Variants in IDO2 observed in about 807,000 individuals in gnomAD.
IDO2 encodes the protein indoleamine 2,3-dioxygenase-like 1 protein.
A neutral mutation model predicts 45.1 loss-of-function variants in IDO2; 46 were observed. The ratio of observed to expected loss-of-function variants is 1.02; its 90% confidence interval spans 0.80 to 1.30. The LOEUF (loss-of-function observed/expected upper bound fraction) is 1.30, where lower values mean the gene tolerates loss of function less well. IDO2 is among the 50% of genes most tolerant of loss of function. IDO2 has a pLI of 0.00. For missense variants in IDO2, 544 were observed against 491.8 expected, an observed-to-expected ratio of 1.11 and a Z score of -1.00; for synonymous variants, 218 against 184.9, an observed-to-expected ratio of 1.18 and a Z score of -1.45.
chr8:39,979,633 G>A (rs915965917), intron 4 of IDO2, among the ~76,000 whole-genome samples: 5 of 152,134 alleles, frequency 3.3e-5, no homozygotes, highest in Non-Finnish European at 5.9e-5. Flanking sequence ...GATTATAGGC[G>A]TGAGCCACTG....
chr8:40,004,450 C>CATAG (rs957659208), intron 8 of IDO2, among the ~76,000 whole-genome samples: 1 of 151,668 alleles, frequency 6.6e-6, no homozygotes, highest in Middle Eastern at 3.4e-3. Flanking sequence ...TAGATAAATA[C>CATAG]ATAGATAGAT....
intron 8 of IDO2, among the ~76,000 whole-genome samples, chr8:39,994,369 T>C (rs959611085): frequency 2.0e-5 from 3 of 152,040 alleles, no homozygotes; most frequent in East Asian, 1.9e-4. Flanking sequence ...GTGATTCTTC[T>C]GCCTCAGCCT....
At chr8:40,015,084 G>A (rs1802366494) in intron 10 of IDO2, among the ~76,000 whole-genome samples, 163 bp from the exon 11 acceptor site, 1 of 151,976 alleles carries the variant, frequency 6.6e-6, no homozygotes, top group African/African-American at 2.4e-5. Context: ...TGAACTCAGG[G>A]GCAGAGGTGG....
intron 9 of IDO2, among the ~76,000 whole-genome samples, chr8:40,011,978 C>T (rs1178872119): frequency 6.6e-6 from 1 of 152,168 alleles, no homozygotes; most frequent in Non-Finnish European, 1.5e-5. Flanking sequence ...AGTGATGTTG[C>T]CCCAATTGCG....
intron 5 of IDO2, chr8:39,985,245 T>C: frequency 2.0e-6 from 1 of 512,188 alleles, no homozygotes; most frequent in Non-Finnish European, 3.5e-6. Flanking sequence ...TATATTAAGA[T>C]GGCCACAGGC....
At chr8:39,963,746 T>C (rs1355059537) in intron 3 of IDO2, 43 bp downstream of exon 3, 1 of 1,157,820 alleles carries the variant, frequency 8.6e-7, no homozygotes, top group East Asian at 2.4e-5. Flanking sequence ...GTTTTCATCA[T>C]CATACCACTT....
At chr8:40,010,633 G>C (rs1311933005) in intron 9 of IDO2, among the ~76,000 whole-genome samples, 3 of 152,146 alleles carry the variant, frequency 2.0e-5, no homozygotes. Flanking sequence ...TCAGATTCTG[G>C]ATATATACTG....
intron 4 of IDO2, among the ~76,000 whole-genome samples, chr8:39,980,615 G>C (rs1003218402): frequency 5.9e-5 from 9 of 152,144 alleles, no homozygotes; most frequent in African/African-American, 1.7e-4. Context: ...CCACGGTGAA[G>C]AGAACAGCCT....
At chr8:39,956,205 C>T (rs986102541) in intron 2 of IDO2, among the ~76,000 whole-genome samples, 1 of 151,788 alleles carries the variant, frequency 6.6e-6, no homozygotes, top group Non-Finnish European at 1.5e-5. Flanking sequence ...ATTACAGGCA[C>T]GCACCACCAT....
chr8:39,960,734 T>G (rs1164691297), intron 2 of IDO2, among the ~76,000 whole-genome samples: 2 of 152,230 alleles, frequency 1.3e-5, no homozygotes, highest in East Asian at 3.8e-4. Context: ...CGGTTGACCT[T>G]CTGATGATTC....
intron 2 of IDO2, among the ~76,000 whole-genome samples, chr8:39,962,276 C>A (rs540011423): frequency 6.6e-6 from 1 of 152,288 alleles, no homozygotes; most frequent in East Asian, 1.9e-4. Flanking sequence ...ATTTCATTTT[C>A]CAAGTGTATC....
chr8:39,938,769 T>C (rs1187861267), intron 1 of IDO2, among the ~76,000 whole-genome samples: 5 of 152,156 alleles, frequency 3.3e-5, no homozygotes, highest in Non-Finnish European at 7.4e-5. Flanking sequence ...AGTTAAATAA[T>C]GGGCAAAAGA....
chr8:40,011,235 A>G (rs1268162737), intron 9 of IDO2, among the ~76,000 whole-genome samples: 2 of 152,176 alleles, frequency 1.3e-5, no homozygotes, highest in Admixed American at 6.6e-5. Context: ...TTCTAAATCT[A>G]TGAGGCTAGA....
At chr8:40,015,371 A>G in exon 11 of IDO2, 1 of 1,613,930 alleles carries the variant, frequency 6.2e-7, no homozygotes. Context: ...ACTTGCTGAC[A>G]GCTTATAACC....
chr8:39,957,483 T>A (rs116908620), intron 2 of IDO2, among the ~76,000 whole-genome samples: 2 of 146,016 alleles, frequency 1.4e-5, no homozygotes, highest in Admixed American at 1.3e-4. Flanking sequence ...CATGATCCTA[T>A]GTGCCTGTGT....
At chr8:39,986,671 G>GAGATAGATAGAT (rs56228406) in intron 6 of IDO2, among the ~76,000 whole-genome samples, 364 of 143,660 alleles carry the variant, frequency 2.5e-3, no homozygotes, top group East Asian at 2.9e-3. Context: ...GTACAGCATT[G>GAGATAGATAGAT]AGATAGATAG....
chr8:40,006,150 A>G (rs1256851546), intron 9 of IDO2, among the ~76,000 whole-genome samples: 1 of 152,130 alleles, frequency 6.6e-6, no homozygotes, highest in Admixed American at 6.6e-5. Context: ...GTAGTCCCCA[A>G]CTCAATACAG....
intron 9 of IDO2, among the ~76,000 whole-genome samples, chr8:40,011,000 C>T (rs948331352): frequency 6.6e-6 from 1 of 152,194 alleles, no homozygotes; most frequent in African/African-American, 2.4e-5. Context: ...CAACCTCTGC[C>T]TCTGGGTTCA....
Position 39,943,317 on chromosome 8 carries a change from G to A in IDO2, c.-17-5832G>A, listed in dbSNP as rs186025476. Among the ~76,000 whole-genome samples the A allele has an allele frequency of 3.0e-4, 46 of 152,266 alleles. No homozygotes were observed. The South Asian group carries it at 5.6e-3, about 19-fold the overall frequency. ...GCCCAGGAGGTGGAGGTTGCAGTAAGCCGAGATTGTGCCACTGTACTCCAG... is the reference window on the plus strand; with the variant it reads ...GCCCAGGAGGTGGAGGTTGCAGTAAACCGAGATTGTGCCACTGTACTCCAG... On this transcript the variant is annotated intron_variant, in intron 1 of 10. Transcript: ENST00000502986.
Sources: allele counts gnomAD v4.1 joint callset (sites outside exome capture counted in the v4.1 genomes callset), GRCh38; gene constraint gnomAD v4.1.1; transcripts MANE v1.5; gene names NCBI Gene and HGNC (gene_info 2026-07-23, HGNC 2026-07-21).